TRPM3: variants seen among roughly 807,000 people sequenced by gnomAD.
TRPM3 encodes the protein long transient receptor potential channel 3.
A neutral mutation model predicts 181.2 loss-of-function variants in TRPM3; 77 were observed. The observed-to-expected ratio is 0.42, with a 90% CI of 0.35 to 0.51. The LOEUF is 0.51. TRPM3 is among the 20% of genes least tolerant of loss of function. The pLI, the probability that TRPM3 is intolerant of heterozygous loss-of-function variation, is 0.01. For missense variants in TRPM3, 1,759 were observed against 2,196.7 expected, an observed-to-expected ratio of 0.80 and a Z score of 3.98; for synonymous variants, 745 against 796.4, an observed-to-expected ratio of 0.94 and a Z score of 1.09.
At chr9:70,686,221 TATAC>T (rs1453113328) in intron 8 of TRPM3, among the ~76,000 whole-genome samples, 1 of 152,088 alleles carries the variant, frequency 6.6e-6, no homozygotes, top group Non-Finnish European at 1.5e-5. Flanking sequence ...TATGTGTATA[TATAC>T]ATAGATATCA....
chr9:70,588,113 G>A (rs765350895), intron 22 of TRPM3, among the ~76,000 whole-genome samples: 1 of 152,294 alleles, frequency 6.6e-6, no homozygotes, highest in Admixed American at 6.5e-5. Context: ...CCTAAATTAT[G>A]TTGTGACTTT....
intron 1 of TRPM3, among the ~76,000 whole-genome samples, chr9:70,986,454 T>C (rs1330790672): frequency 2.0e-5 from 3 of 152,212 alleles, no homozygotes; most frequent in Non-Finnish European, 2.9e-5. Flanking sequence ...CATGTAATCA[T>C]TTCAAGAACA....
chr9:71,238,308 A>G (rs1322706520), intron 1 of TRPM3, among the ~76,000 whole-genome samples: 2 of 152,100 alleles, frequency 1.3e-5, no homozygotes, highest in Non-Finnish European at 2.9e-5. Flanking sequence ...ATCATTCTCT[A>G]ACTCAGGTGA....
chr9:70,847,816 G>C (rs2132097520), intron 3 of TRPM3, among the ~76,000 whole-genome samples: 1 of 152,100 alleles, frequency 6.6e-6, no homozygotes, highest in South Asian at 2.1e-4. Flanking sequence ...CTATCAGTGT[G>C]GTTTAAGAAT....
At chr9:70,587,770 G>A (rs557265972) in intron 22 of TRPM3, among the ~76,000 whole-genome samples, 1 of 152,302 alleles carries the variant, frequency 6.6e-6, no homozygotes, top group Non-Finnish European at 1.5e-5. Context: ...GTAGCCCTTA[G>A]ATTGGTTCTT....
chr9:70,835,249 A>G (rs889703194), intron 5 of TRPM3, among the ~76,000 whole-genome samples: 1 of 152,226 alleles, frequency 6.6e-6, no homozygotes, highest in Non-Finnish European at 1.5e-5. Flanking sequence ...AACTACCCAG[A>G]TTCAGGTATT....
At chr9:71,442,714 G>T (rs2094150901) in intron 1 of TRPM3, among the ~76,000 whole-genome samples, 1 of 152,080 alleles carries the variant, frequency 6.6e-6, no homozygotes, top group Admixed American at 6.6e-5. Flanking sequence ...AATAATGCTG[G>T]ATTTTTTTCT....
chr9:70,542,216 G>A lies in TRPM3; in HGVS notation c.3708-4811C>T, dbSNP rs532540247. Among the ~76,000 whole-genome samples, 12 of 152,326 alleles carry A rather than the reference G, an allele frequency of 7.9e-5. No homozygotes were observed. In the South Asian group the frequency reaches 2.3e-3, roughly 29 times the overall value. ...GTTTTGAGTCATGATTGTAGTCACTGAGAACTGATTCTGATCAAAGAATTT... is the reference window on the plus strand; with the variant it reads ...GTTTTGAGTCATGATTGTAGTCACTAAGAACTGATTCTGATCAAAGAATTT... On this transcript the variant is annotated intron_variant, in intron 25 of 25. Transcript: ENST00000677713.
At chr9:71,061,093 G>A (rs1447937717) in intron 1 of TRPM3, among the ~76,000 whole-genome samples, 1 of 151,990 alleles carries the variant, frequency 6.6e-6, no homozygotes, top group African/African-American at 2.4e-5. Flanking sequence ...AGAATGCATG[G>A]TACTCAGCCA....
At chr9:70,862,808 G>A in intron 3 of TRPM3, 100 bp downstream of exon 3, 2 of 1,212,976 alleles carry the variant, frequency 1.6e-6, no homozygotes, top group Non-Finnish European at 2.4e-6. Context: ...GCAGAGTGGA[G>A]ATTAGGCCCA....
chr9:70,645,595 C>T (rs2058707243), intron 9 of TRPM3, among the ~76,000 whole-genome samples: 2 of 150,058 alleles, frequency 1.3e-5, no homozygotes, highest in South Asian at 4.3e-4. Flanking sequence ...TAACCTAAAA[C>T]CATAAAAACC....
At chr9:70,822,125 C>A (rs776520348) in intron 6 of TRPM3, among the ~76,000 whole-genome samples, 2 of 152,160 alleles carry the variant, frequency 1.3e-5, no homozygotes, top group Non-Finnish European at 2.9e-5. Flanking sequence ...CTTATCTTTC[C>A]ACCAGAAAGT....
At chr9:70,692,833 G>A (rs1005035083) in intron 8 of TRPM3, among the ~76,000 whole-genome samples, 1 of 152,146 alleles carries the variant, frequency 6.6e-6, no homozygotes, top group African/African-American at 2.4e-5. Context: ...ATTACTGGAG[G>A]AGCAAATGAA....
At chr9:71,169,474 A>G (rs2076729703) in intron 1 of TRPM3, among the ~76,000 whole-genome samples, 1 of 152,190 alleles carries the variant, frequency 6.6e-6, no homozygotes, top group African/African-American at 2.4e-5. Flanking sequence ...GATTAAGGGT[A>G]GATCAGGAAA....
At chr9:71,421,028 A>G (rs543038686) in intron 1 of TRPM3, among the ~76,000 whole-genome samples, 16 of 151,624 alleles carry the variant, frequency 1.1e-4, no homozygotes, top group South Asian at 4.2e-4. Flanking sequence ...AAAGAGAGAA[A>G]AAGAAAAAGA....
At chr9:71,380,262 C>G (rs1305251471) in intron 1 of TRPM3, among the ~76,000 whole-genome samples, 2 of 151,314 alleles carry the variant, frequency 1.3e-5, no homozygotes, top group Non-Finnish European at 2.9e-5. Context: ...CATTCCAGTC[C>G]CAAAAGATAA....
chr9:71,075,400 G>A (rs1161332234), intron 1 of TRPM3, among the ~76,000 whole-genome samples: 3 of 152,156 alleles, frequency 2.0e-5, no homozygotes, highest in Non-Finnish European at 4.4e-5. Flanking sequence ...ATGTCAAGTG[G>A]AGGGGGTTGA....
chr9:71,318,015 C>A (rs1232819655), intron 1 of TRPM3, among the ~76,000 whole-genome samples: 1 of 152,002 alleles, frequency 6.6e-6, no homozygotes, highest in East Asian at 1.9e-4. Context: ...TTTGAAAGGC[C>A]AAGGCAAGAG....
chr9:71,359,413 AT>A (rs1353324828), intron 1 of TRPM3, among the ~76,000 whole-genome samples: 2 of 152,350 alleles, frequency 1.3e-5, no homozygotes, highest in Non-Finnish European at 2.9e-5. Context: ...TTCACAGAAT[AT>A]TTAAAATGTG....
Sources: gnomAD v4.1 joint callset for allele counts (sites outside exome capture counted in the v4.1 genomes callset) on GRCh38, gnomAD v4.1.1 for gene constraint, MANE v1.5 for transcripts, NCBI Gene and HGNC (gene_info 2026-07-23, HGNC 2026-07-21) for gene names.